The following AHCTF1 variants were observed in gnomAD, a reference collection of about 807,000 sequenced individuals.
AHCTF1 encodes AT-hook containing transcription factor 1.
Under a neutral mutation model 248.4 loss-of-function variants are expected in AHCTF1, and 24 were observed. The ratio of observed to expected loss-of-function variants is 0.10; its 90% CI spans 0.07 to 0.14. AHCTF1 has a LOEUF of 0.14. Among genes scored for constraint, AHCTF1 ranks in the 10% least tolerant of loss-of-function variants. The pLI, the probability that AHCTF1 is intolerant of heterozygous loss-of-function variation, is 1.00. For synonymous variants in AHCTF1, 786 were observed against 929.8 expected (o/e 0.85, Z 2.81); for missense variants, 2,206 against 2,636.2 (o/e 0.84, Z 3.57).
chr1:246,926,099 A>AT (rs1230560981), intron 1 of AHCTF1, among the ~76,000 whole-genome samples: 1 of 150,498 alleles, frequency 6.6e-6, no homozygotes, highest in Non-Finnish European at 1.5e-5. Context: ...CACTCTCATC[A>AT]TGTGAGTATC....
At chr1:246,865,949 G>C (rs760835234) in intron 26 of AHCTF1, among the ~76,000 whole-genome samples, 13 of 151,958 alleles carry the variant, frequency 8.6e-5, no homozygotes, top group Non-Finnish European at 1.6e-4. Context: ...TTACTTGTTA[G>C]AGCTAATTTT....
At chr1:246,848,973 C>G (rs1040759238) in intron 33 of AHCTF1, among the ~76,000 whole-genome samples, 1 of 152,118 alleles carries the variant, frequency 6.6e-6, no homozygotes, top group Non-Finnish European at 1.5e-5. Context: ...GTTTAAAGCA[C>G]CCCCTATTAA....
In AHCTF1 at chr1:246,854,106, T is replaced by C. The variant is rs555711242; in HGVS notation, c.4355-807A>G. On this transcript the variant is annotated intron_variant, in intron 31 of 35. Transcript: ENST00000648844. ...TGAGGTCAGGAGATCGAGACCACCC[T>C]GGCTAACACGGTGAAACCCTGTCTC... Among the ~76,000 whole-genome samples the C allele has an allele frequency of 5.3e-4, 81 of 152,174 alleles. 3 individuals carry two copies. The East Asian group carries it at 0.011, about 21-fold the overall frequency.
intron 29 of AHCTF1, 22 bp downstream of exon 29, chr1:246,860,877 G>A (rs1337764515): frequency 1.9e-6 from 3 of 1,589,280 alleles, no homozygotes; most frequent in South Asian, 2.3e-5. Context: ...ACAATTTTGA[G>A]TATTCAGAAA....
chr1:246,903,857 A>T (rs927263374), intron 7 of AHCTF1, 92 bp downstream of exon 7: 1 of 980,842 alleles, frequency 1.0e-6, no homozygotes, highest in African/African-American at 1.7e-5. Context: ...AAAAAAAAGA[A>T]TCACTTTTCA....
At chr1:246,912,484 A>G (rs547783515) in intron 4 of AHCTF1, among the ~76,000 whole-genome samples, 120 of 149,820 alleles carry the variant, frequency 8.0e-4, no homozygotes, top group African/African-American at 2.8e-3. Context: ...GCCGTCTCCA[A>G]AAAAAAAAAA....
intron 31 of AHCTF1, 142 bp downstream of exon 31, chr1:246,855,588 C>G (rs971146578): frequency 4.7e-6 from 3 of 638,982 alleles, no homozygotes; most frequent in Non-Finnish European, 5.3e-6. Flanking sequence ...TACTTCTACA[C>G]CAGGAAAGCT....
intron 7 of AHCTF1, among the ~76,000 whole-genome samples, chr1:246,903,652 A>AGC: frequency 1.1e-5 from 1 of 88,454 alleles, no homozygotes; most frequent in African/African-American, 5.0e-5. Flanking sequence ...AGATGGTGAG[A>AGC]CCCCCCCCCC....
At chr1:246,847,250 T>C (rs1320223939) in intron 33 of AHCTF1, among the ~76,000 whole-genome samples, 11 of 150,482 alleles carry the variant, frequency 7.3e-5, no homozygotes, top group Non-Finnish European at 1.5e-5. Flanking sequence ...GATCACACCA[T>C]TGCACTCCAG....
intron 12 of AHCTF1, among the ~76,000 whole-genome samples, chr1:246,896,157 G>A (rs1012588507): frequency 6.6e-6 from 1 of 152,116 alleles, no homozygotes; most frequent in Non-Finnish European, 1.5e-5. Context: ...AAAGCAGTTT[G>A]GCGGTTTCTC....
chr1:246,907,473 T>C, intron 5 of AHCTF1, 78 bp downstream of exon 5: 1 of 1,298,908 alleles, frequency 7.7e-7, no homozygotes, highest in Non-Finnish European at 1.1e-6. Context: ...ATGCTAACTT[T>C]CAAATATTAG....
chr1:246,911,569 C>T (rs1665807921), intron 4 of AHCTF1, among the ~76,000 whole-genome samples: 8 of 150,674 alleles, frequency 5.3e-5, no homozygotes, highest in Admixed American at 5.3e-4. Flanking sequence ...CTGCAGCCTC[C>T]ACCTCCCAGG....
intron 19 of AHCTF1, 23 bp from the exon 20 acceptor site, chr1:246,887,380 C>G: frequency 6.9e-6 from 11 of 1,583,636 alleles, no homozygotes; most frequent in Non-Finnish European, 9.4e-6. Flanking sequence ...GGATTAAGGA[C>G]AATAAAATAC....
chr1:246,850,964 C>A lies in AHCTF1; in HGVS notation c.5042G>T (p.Ser1681Ile). 1 of 1,613,900 alleles carries A rather than the reference C, an allele frequency of 6.2e-7. No homozygotes were observed. Among genetic ancestry groups the A allele is most frequent in the Non-Finnish European group, 8.5e-7 (1 of 1,179,842 alleles). The change falls in exon 33 of 36, where the codon AGT becomes ATT. Residue 1681 changes from serine (S) to isoleucine (I), a missense_variant. Around this residue, in one of 6 missense-constraint regions of AHCTF1, gnomAD observed 955 missense variants for 1,055.6 expected, o/e 0.90. Transcript: ENST00000648844. Reference sequence around the variant, plus strand: ...CATTGTATCTGAAGTAATTTCTTTACTTCTTGTGTCTTTAATTACATCTAG... The same window carrying A: ...CATTGTATCTGAAGTAATTTCTTTAATTCTTGTGTCTTTAATTACATCTAG... ...NLLDVIKDTR[S>I]KEITSDTMEQ...
At chr1:246,857,958 T>C (rs1661221554) in intron 29 of AHCTF1, 144 bp from the exon 30 acceptor site, 1 of 375,714 alleles carries the variant, frequency 2.7e-6, no homozygotes, top group African/African-American at 1.1e-4. Context: ...CTGCTAACAC[T>C]TTCTTCTTTT....
At chr1:246,868,360 A>T (rs927615197) in intron 24 of AHCTF1, among the ~76,000 whole-genome samples, 1 of 146,124 alleles carries the variant, frequency 6.8e-6, no homozygotes, top group Non-Finnish European at 1.5e-5. Context: ...ACCTCATGTG[A>T]TCCACCCGCC....
intron 35 of AHCTF1, 46 bp downstream of exon 35, chr1:246,842,648 C>T (rs1340685343): frequency 1.3e-6 from 2 of 1,512,058 alleles, no homozygotes; most frequent in Non-Finnish European, 9.2e-7. Context: ...CAGAGCGAGA[C>T]TGTCTCAATC....
intron 21 of AHCTF1, among the ~76,000 whole-genome samples, chr1:246,884,803 T>C (rs1663697160): frequency 6.6e-6 from 1 of 152,216 alleles, no homozygotes; most frequent in Admixed American, 6.5e-5. Flanking sequence ...TCCTTAAGAT[T>C]TTCTTTCTAT....
chr1:246,902,662 C>A lies in AHCTF1; in HGVS notation c.980G>T (p.Cys327Phe). 1 of 1,612,740 alleles carries A rather than the reference C, an allele frequency of 6.2e-7. No homozygotes were observed. Among genetic ancestry groups the A allele is most frequent in the Non-Finnish European group, 8.5e-7 (1 of 1,179,358 alleles). The change falls in exon 8 of 36, where the codon TGT (cysteine) becomes TTT (phenylalanine). Residue 327 changes from cysteine (C) to phenylalanine (F), a missense_variant. Coordinates refer to ENST00000648844, the MANE Select transcript of AHCTF1 (RefSeq NM_001323342.2). ...GQILYEGLEY[C>F]EERYTLDLTG... The stretch of plus-strand genomic sequence containing the variant: ...CAGGTCCAGGGTGTATCTTTCTTCA[C>A]AGTATTCTAACCCCTGTAACATAAA...
Sources: allele counts gnomAD v4.1 joint callset (sites outside exome capture counted in the v4.1 genomes callset), GRCh38; gene constraint gnomAD v4.1.1; regional missense constraint gnomAD v4.1.1; transcripts MANE v1.5; gene names NCBI Gene and HGNC (gene_info 2026-07-23, HGNC 2026-07-21).